OTOF: variants seen among roughly 807,000 people sequenced by gnomAD.
The protein encoded by OTOF is fer-1-like family member 2.
Under a neutral mutation model 236.8 loss-of-function variants are expected in OTOF, and 218 were observed. The ratio of observed to expected loss-of-function variants is 0.92; its 90% CI spans 0.82 to 1.03. The LOEUF (loss-of-function observed/expected upper bound fraction) is 1.03. OTOF is among the 50% of genes least tolerant of loss of function. The pLI is 0.00. For synonymous variants in OTOF, 1,041 were observed against 1,072.5 expected, an observed-to-expected ratio of 0.97 and a Z score of 0.57; for missense variants, 2,590 against 2,694.4, an observed-to-expected ratio of 0.96 and a Z score of 0.86.
At chr2:26,525,668 TGGATGGATGAATGGATGGAAGAATGAAA>T (rs1481995426) in intron 3 of OTOF, among the ~76,000 whole-genome samples, 4 of 151,932 alleles carry the variant, frequency 2.6e-5, no homozygotes, top group Non-Finnish European at 4.4e-5. Context: ...AAAAGATGGA[TGGATGGATGAATGGATGGAAGAATGAAA>T]GGATGGATGA....
intron 5 of OTOF, among the ~76,000 whole-genome samples, chr2:26,504,653 G>A (rs1284260862): frequency 6.6e-6 from 1 of 152,168 alleles, no homozygotes; most frequent in African/African-American, 2.4e-5. Flanking sequence ...CAGTCAGCGG[G>A]GCTGAGGAAA....
At chr2:26,510,472 G>A (rs1490384498) in intron 5 of OTOF, among the ~76,000 whole-genome samples, 1 of 151,890 alleles carries the variant, frequency 6.6e-6, no homozygotes, top group African/African-American at 2.4e-5. Flanking sequence ...AGCCCAGAGT[G>A]GAAACCAGAA....
At chr2:26,495,323 G>A (rs1322609937) in intron 8 of OTOF, among the ~76,000 whole-genome samples, 1 of 152,214 alleles carries the variant, frequency 6.6e-6, no homozygotes, top group Non-Finnish European at 1.5e-5. Flanking sequence ...GTGTTCACTA[G>A]ACTTAACTTG....
chr2:26,520,517 C>T (rs1666651086), intron 3 of OTOF, among the ~76,000 whole-genome samples: 1 of 152,340 alleles, frequency 6.6e-6, no homozygotes, highest in South Asian at 2.1e-4. Context: ...GCCCCAACCA[C>T]CATTGTGCCC....
chr2:26,551,663 A>G (rs1667465965), intron 1 of OTOF, among the ~76,000 whole-genome samples: 1 of 152,252 alleles, frequency 6.6e-6, no homozygotes, highest in Non-Finnish European at 1.5e-5. Flanking sequence ...TGCGTGGCAC[A>G]TGGCTGCCCT....
In OTOF at chr2:26,463,970, G is replaced by A. The variant is rs12386239; in HGVS notation, c.5097C>T (p.Ile1699=). The change falls in exon 40 of 47, where the codon ATC becomes ATT. Residue 1699 remains isoleucine, a synonymous_variant. Transcript: ENST00000272371. ...TTGGCCATGCAAGTGTCACCTGCTC[G>A]ATGCCCGGCTTGTCGGGGTTGAGCA... ...RPLLNPDKPG[I]EQGRLELWVD... is the part of the protein sequence containing the mutation. The A allele has an allele frequency of 4.3e-3, 6,982 of 1,613,756 alleles. 241 individuals carry two copies. The African/African-American group carries it at 0.08, about 19-fold the overall frequency.
At position 26,494,804 on chromosome 2, in the gene OTOF, G is replaced by A. The variant is rs569328397; in HGVS notation, c.897+138C>T. ...GGCTCTGTTTGTCAGTGTCCTGGGG[G>A]TTGTAACAGGGTGGATCACCCCTGC... On this transcript the variant is annotated intron_variant, in intron 9 of 46. Transcript: ENST00000272371. 1,393 of 942,968 alleles carry A rather than the reference G, an allele frequency of 1.5e-3. 5 individuals are homozygous for A. Among genetic ancestry groups the A allele is most frequent in the Non-Finnish European group, 2.1e-3 (1,229 of 590,124 alleles). The allele number at this position is 942,968 out of a possible 1,614,324, so 58.4% of individuals were successfully genotyped here.
chr2:26,502,369 T>C lies in OTOF; in HGVS notation c.641A>G (p.Asp214Gly), dbSNP rs773263831. The C allele has an allele frequency of 3.5e-5, 56 of 1,613,740 alleles. No individual in the cohort carries two copies. The highest frequency in any genetic ancestry group is 2.7e-5 in the Non-Finnish European group (32 of 1,179,914). ...DLDHLAIRLGDGLDPDSVSLA... is the reference protein window; with the variant it reads ...DLDHLAIRLGGGLDPDSVSLA... ...AGACACCGAGTCGGGATCCAGTCCA[T>C]CTCCTAGCCGAATGGCCAGATGGTC... is the stretch of plus-strand genomic sequence containing the variant. Residue 214 changes from aspartate to glycine, a missense_variant, in exon 7 of 47, where the codon GAT becomes GGT. By Grantham distance (94) the Asp-to-Gly change is moderately conservative. Transcript: ENST00000272371.
chr2:26,470,259 AT>A lies in OTOF; in HGVS notation c.4023+333del, dbSNP rs1234512272. On this transcript the variant is annotated intron_variant, in intron 32 of 46. Coordinates refer to ENST00000272371, the MANE Select transcript of OTOF (RefSeq NM_194248.3). The surrounding 1 kb of genome is among the most constrained non-coding windows in gnomAD (Gnocchi z 4.3). ...TCTCTAAGTCTCTGTTTACATGTCC[AT>A]TTTGCCCAGTAAACCGGAGGCCCAT... is the stretch of plus-strand genomic sequence containing the variant. Among the ~76,000 whole-genome samples, 1 of 151,946 alleles carries A rather than the reference AT, an allele frequency of 6.6e-6. No homozygotes were observed. Among genetic ancestry groups the A allele is most frequent in the Non-Finnish European group, 1.5e-5 (1 of 68,008 alleles).
intron 1 of OTOF, among the ~76,000 whole-genome samples, chr2:26,547,540 C>A (rs116316605): frequency 0.02 from 3,057 of 152,256 alleles, 99 homozygotes; most frequent in African/African-American, 0.069. Flanking sequence ...GTTTTCCTTT[C>A]AATGTTTTCT....
chr2:26,494,015 C>T (rs879092601), intron 9 of OTOF, among the ~76,000 whole-genome samples: 3 of 152,220 alleles, frequency 2.0e-5, no homozygotes, highest in Admixed American at 2.0e-4. Flanking sequence ...CTCTATTTCT[C>T]ACATCCCTCC....
rs767663880 is a variant in OTOF at position 26,472,667 on chromosome 2, T to TG, written c.3734-19dup. The TG allele has an allele frequency of 1.6e-5, 25 of 1,612,074 alleles. No individual in the cohort carries two copies. The South Asian group carries it at 2.7e-4, about 18-fold the overall frequency. ...AAGCCTGACTGGACAGATGGATAGATGGACAGACAGGCAGAGGAAGGAGCA... is the reference window on the plus strand; with the variant it reads ...AAGCCTGACTGGACAGATGGATAGATGGGACAGACAGGCAGAGGAAGGAGCA... On this transcript the variant is annotated intron_variant, in intron 29 of 46. Coordinates refer to ENST00000272371, the MANE Select transcript of OTOF (RefSeq NM_194248.3).
At chr2:26,518,094 G>T (rs946900351) in intron 4 of OTOF, among the ~76,000 whole-genome samples, 2 of 152,212 alleles carry the variant, frequency 1.3e-5, no homozygotes, top group African/African-American at 4.8e-5. Context: ...GCTCCCTGTG[G>T]CTGCAGTCCT....
chr2:26,537,618 G>A, intron 2 of OTOF, 98 bp downstream of exon 2: 5 of 905,030 alleles, frequency 5.5e-6, no homozygotes, highest in Middle Eastern at 5.8e-4. Context: ...GCCAGTGCCT[G>A]GGATTTGGGG....
chr2:26,496,490 T>G (rs1665989495), intron 8 of OTOF, among the ~76,000 whole-genome samples: 1 of 152,116 alleles, frequency 6.6e-6, no homozygotes, highest in Non-Finnish European at 1.5e-5. Flanking sequence ...TCTGCCTGCC[T>G]TGGCCTCCCA....
In OTOF at chr2:26,477,486, T is replaced by C; in HGVS notation, c.2336A>G (p.Asp779Gly). 1 of 1,603,558 alleles carries C rather than the reference T, an allele frequency of 6.2e-7. No homozygotes were observed. Among genetic ancestry groups the C allele is most frequent in the Non-Finnish European group, 8.5e-7 (1 of 1,175,964 alleles). Residue 779 changes from aspartate to glycine, a missense_variant, in exon 20 of 47, where the codon GAC (aspartate) becomes GGC (glycine). Asp to Gly is a moderately conservative substitution (Grantham distance 94). Transcript: ENST00000272371. This position sits in a 1 kb window ranked among gnomAD's most constrained non-coding sequence, Gnocchi z 4.7. ...GCGGGATGAGTGGCCCTGGTCCTTG[T>C]CAGCGAGGGAGAGGAAGCGGCTGGG... Reference protein sequence around the residue: ...CGCCRFLSLADKDQGHSSRTR... With the variant: ...CGCCRFLSLAGKDQGHSSRTR...
rs13031301 is a variant in OTOF at position 26,461,083 on chromosome 2, G to T, written c.5534-53C>A. ...GTGAACAGGGCTGGGGTGGGGCGGGGTGGGGGTGGGGGTCTGGGCTCCTCG... is the reference window on the plus strand; with the variant it reads ...GTGAACAGGGCTGGGGTGGGGCGGGTTGGGGGTGGGGGTCTGGGCTCCTCG... On this transcript the variant is annotated intron_variant, in intron 43 of 46. Transcript: ENST00000272371. This position sits in a 1 kb window ranked among gnomAD's most constrained non-coding sequence, Gnocchi z 6.2. 1 of 1,075,542 alleles carries T rather than the reference G, an allele frequency of 9.3e-7. No individual in the cohort carries two copies. Among genetic ancestry groups the T allele is most frequent in the Non-Finnish European group, 1.4e-6 (1 of 723,184 alleles). 66.6% of individuals were successfully genotyped at this position (1,075,542 alleles called of 1,614,324 possible). A position where few individuals can be genotyped will look rare whatever the true frequency, so the allele number is the denominator to read the frequency against.
In OTOF at chr2:26,465,827, C is replaced by T. The variant is rs1470793304; in HGVS notation, c.4644G>A (p.Glu1548=). ...NPVFGKSFDI[E]ASFPMESMLT... is the part of the protein sequence containing the mutation. The stretch of plus-strand genomic sequence containing the variant: ...GCATGGATTCCATGGGGAAGGAGGC[C>T]TCGATGTCAAAGGACCTGGTGGGGT... Residue 1548 remains glutamate, a synonymous_variant, in exon 38 of 47, where the codon GAG becomes GAA. Transcript: ENST00000272371. The T allele has an allele frequency of 1.2e-6, 2 of 1,614,236 alleles. No individual in the cohort carries two copies. Among genetic ancestry groups the T allele is most frequent in the South Asian group, 1.1e-5 (1 of 91,084 alleles).
Position 26,473,883 on chromosome 2 carries a change from G to A in OTOF, c.3408+108C>T. On this transcript the variant is annotated intron_variant, in intron 27 of 46. Transcript: ENST00000272371. This position sits in a 1 kb window ranked among gnomAD's most constrained non-coding sequence, Gnocchi z 7.2. Reference sequence around the variant, plus strand: ...TGGGCTGGGGCAGGAGCCTGGGTCTGCTGCTGGCTCCTGGTGATGGTGGTG... The same window carrying A: ...TGGGCTGGGGCAGGAGCCTGGGTCTACTGCTGGCTCCTGGTGATGGTGGTG... 1 of 1,461,118 alleles carries A rather than the reference G, an allele frequency of 6.8e-7. No individual in the cohort carries two copies. Among genetic ancestry groups the A allele is most frequent in the Non-Finnish European group, 9.6e-7 (1 of 1,043,972 alleles). 90.5% of individuals were successfully genotyped at this position (1,461,118 alleles called of 1,614,324 possible).
Sources: allele counts gnomAD v4.1 joint callset (sites outside exome capture counted in the v4.1 genomes callset), GRCh38; gene constraint gnomAD v4.1.1; non-coding constraint Gnocchi (gnomAD v3.1); transcripts MANE v1.5; gene names NCBI Gene and HGNC (gene_info 2026-07-23, HGNC 2026-07-21).